Variants in SPAG16 observed in about 807,000 individuals in gnomAD.
SPAG16 encodes sperm associated antigen 16, also known as sperm-associated antigen 16 protein.
In SPAG16, 86 loss-of-function variants were observed where a neutral mutation model predicts 80.4. The observed-to-expected ratio is 1.07, with a 90% CI of 0.90 to 1.28. SPAG16 has a LOEUF of 1.28. Ranked by LOEUF, SPAG16 falls within the 50% of genes most tolerant of loss-of-function variation. The pLI is 0.00. For missense variants in SPAG16, 870 were observed against 765.3 expected (o/e 1.14, Z -1.61); for synonymous variants, 294 against 265.9 (o/e 1.11, Z -1.03).
chr2:214,234,079 C>CT (rs34522209), intron 15 of SPAG16, among the ~76,000 whole-genome samples: 2,251 of 151,380 alleles, frequency 0.015, 29 homozygotes, highest in Admixed American at 0.022. Flanking sequence ...TTGTTTCCCC[C>CT]CCCATGTGTC....
At chr2:213,881,694 C>G (rs368072667) in intron 11 of SPAG16, among the ~76,000 whole-genome samples, 1 of 152,316 alleles carries the variant, frequency 6.6e-6, no homozygotes, top group Non-Finnish European at 1.5e-5. Flanking sequence ...AACTCACCAT[C>G]CCAAGAACAA....
intron 15 of SPAG16, among the ~76,000 whole-genome samples, chr2:214,409,450 G>A: frequency 6.6e-6 from 1 of 151,824 alleles, no homozygotes; most frequent in East Asian, 1.9e-4. Context: ...TTCACTTTGA[G>A]GAAATGAGCC....
chr2:213,846,823 G>A (rs1235154497), intron 10 of SPAG16, among the ~76,000 whole-genome samples: 1 of 152,116 alleles, frequency 6.6e-6, no homozygotes, highest in Non-Finnish European at 1.5e-5. Flanking sequence ...CAGTTATGTA[G>A]GTCAGAAATC....
intron 15 of SPAG16, among the ~76,000 whole-genome samples, chr2:214,217,185 TC>T (rs2058453040): frequency 6.6e-6 from 1 of 152,210 alleles, no homozygotes; most frequent in African/African-American, 2.4e-5. Context: ...AAGGCACAAA[TC>T]GATTTAATGG....
chr2:213,864,996 C>CA (rs1176991215), intron 11 of SPAG16, among the ~76,000 whole-genome samples: 1 of 151,738 alleles, frequency 6.6e-6, no homozygotes, highest in African/African-American at 2.4e-5. Context: ...ATATATAAAA[C>CA]AAAAAATCTC....
chr2:213,788,883 T>C (rs1411918194), intron 10 of SPAG16, among the ~76,000 whole-genome samples: 1 of 151,630 alleles, frequency 6.6e-6, no homozygotes, highest in African/African-American at 2.4e-5. Context: ...GATTCTCAAA[T>C]TATTGTGCAA....
chr2:214,066,903 A>T (rs910487436), intron 13 of SPAG16, among the ~76,000 whole-genome samples: 1 of 152,146 alleles, frequency 6.6e-6, no homozygotes, highest in Non-Finnish European at 1.5e-5. Context: ...TCAGGTACTA[A>T]GTTTGTCTGC....
intron 15 of SPAG16, among the ~76,000 whole-genome samples, chr2:214,405,391 C>T (rs989493849): frequency 6.6e-6 from 1 of 152,162 alleles, no homozygotes; most frequent in Non-Finnish European, 1.5e-5. Flanking sequence ...CCTCTCAAAG[C>T]ATTGGGATTA....
At position 213,297,321 on chromosome 2, in the gene SPAG16, G is replaced by C. The variant is rs372311566; in HGVS notation, c.243G>C (p.Gln81His). 9.7e-5 allele frequency: 156 copies of C among 1,612,812 alleles called. No individual in the cohort carries two copies. Among genetic ancestry groups the C allele is most frequent in the Non-Finnish European group, 1.2e-4 (144 of 1,179,232 alleles). ...AAGAAGATCTGGCAAAAGCAATTCA[G>C]ATGGCCCAAGAACAGGCTACAGATA... ...EGEEDLAKAI[Q>H]MAQEQATDTE... Residue 81 changes from glutamine (Q) to histidine (H), a missense_variant, in exon 3 of 16, where the codon CAG (glutamine) becomes CAC (histidine). Gln to His is a conservative substitution (Grantham distance 24). Transcript: ENST00000331683.
intron 14 of SPAG16, among the ~76,000 whole-genome samples, chr2:214,112,677 G>T (rs1465486666): frequency 3.2e-5 from 4 of 123,506 alleles, no homozygotes; most frequent in African/African-American, 1.2e-4. Flanking sequence ...TTTCTTGGTA[G>T]ATCTTCCTCC....
intron 13 of SPAG16, among the ~76,000 whole-genome samples, chr2:214,073,370 T>A (rs2125233457): frequency 6.6e-6 from 1 of 152,036 alleles, no homozygotes; most frequent in South Asian, 2.1e-4. Context: ...CCTGAGTAGC[T>A]GGGATTACAG....
chr2:214,259,555 C>T (rs1218346517), intron 15 of SPAG16, among the ~76,000 whole-genome samples: 1 of 146,556 alleles, frequency 6.8e-6, no homozygotes, highest in Non-Finnish European at 1.5e-5. Context: ...CCCCCACACA[C>T]GTTTCGGCAG....
chr2:214,163,422 G>T (rs2056526379), intron 15 of SPAG16, among the ~76,000 whole-genome samples: 1 of 151,498 alleles, frequency 6.6e-6, no homozygotes, highest in Non-Finnish European at 1.5e-5. Flanking sequence ...CATAATAGTT[G>T]CATTGTTTCC....
intron 11 of SPAG16, among the ~76,000 whole-genome samples, chr2:213,868,539 T>C (rs1323087843): frequency 1.3e-5 from 2 of 152,236 alleles, no homozygotes; most frequent in Non-Finnish European, 2.9e-5. Flanking sequence ...GGTCTTTACC[T>C]ACACCAGACG....
At chr2:213,588,917 G>A (rs1264903131) in intron 10 of SPAG16, among the ~76,000 whole-genome samples, 1 of 137,720 alleles carries the variant, frequency 7.3e-6, no homozygotes, top group South Asian at 2.6e-4. Context: ...CTTATATCAA[G>A]ATTCTTACAT....
intron 9 of SPAG16, among the ~76,000 whole-genome samples, chr2:213,423,246 A>G (rs1459000838): frequency 3.9e-5 from 6 of 152,184 alleles, no homozygotes; most frequent in Non-Finnish European, 5.9e-5. Flanking sequence ...CTATTTTTTC[A>G]TCAAGGGTAG....
chr2:213,461,993 G>A (rs189703598), intron 9 of SPAG16, among the ~76,000 whole-genome samples: 1 of 152,268 alleles, frequency 6.6e-6, no homozygotes, highest in African/African-American at 2.4e-5. Context: ...CAGGGAAATT[G>A]TTGGTTAACA....
chr2:213,909,409 G>A (rs193213278), intron 11 of SPAG16, among the ~76,000 whole-genome samples: 1,717 of 152,172 alleles, frequency 0.011, 29 homozygotes, highest in African/African-American at 0.039. Flanking sequence ...AAAAGAGCCC[G>A]CATCGCCAAG....
At chr2:214,328,329 G>A (rs1257703032) in intron 15 of SPAG16, among the ~76,000 whole-genome samples, 1 of 151,902 alleles carries the variant, frequency 6.6e-6, no homozygotes, top group Non-Finnish European at 1.5e-5. Flanking sequence ...CTAATCTTTT[G>A]TGTATGTATT....
Sources: gnomAD v4.1 joint callset for allele counts (sites outside exome capture counted in the v4.1 genomes callset) on GRCh38, gnomAD v4.1.1 for gene constraint, MANE v1.5 for transcripts, NCBI Gene and HGNC (gene_info 2026-07-23, HGNC 2026-07-21) for gene names.